Variants in ADH6 observed in about 807,000 individuals in gnomAD.
ADH6 encodes the protein alcohol dehydrogenase 6.
Under a neutral mutation model 36.5 loss-of-function variants are expected in ADH6, and 34 were observed. The observed-to-expected ratio is 0.93, with a 90% confidence interval of 0.71 to 1.24. The LOEUF (loss-of-function observed/expected upper bound fraction) is 1.24, where lower values mean the gene tolerates loss of function less well. ADH6 is among the 50% of genes most tolerant of loss of function. The pLI is 0.00. For missense variants in ADH6, 440 were observed against 447.0 expected (o/e 0.98, Z 0.14); for synonymous variants, 161 against 155.5 (o/e 1.04, Z -0.26).
In ADH6 at chr4:99,204,110, GA is replaced by G. The variant is rs1245395377; in HGVS notation, c.*108del. The G allele has an allele frequency of 2.5e-5, 34 of 1,348,758 alleles. No individual in the cohort carries two copies. Among genetic ancestry groups the G allele is most frequent in the Non-Finnish European group, 3.0e-5 (29 of 980,664 alleles). 83.5% of individuals were successfully genotyped at this position (1,348,758 alleles called of 1,614,324 possible). A position where few individuals can be genotyped will look rare whatever the true frequency, so the allele number is the denominator to read the frequency against. ...CCACTGCGGAGTGAATCAGAAGTCA[GA>G]ATATAGAAATGGGATTGGGTGAATA... On this transcript the variant is annotated 3_prime_UTR_variant, in exon 9 of 9. Transcript: ENST00000394899.
intron 3 of ADH6, among the ~76,000 whole-genome samples, chr4:99,210,820 C>T (rs1226611780): frequency 6.6e-6 from 1 of 152,122 alleles, no homozygotes; most frequent in Non-Finnish European, 1.5e-5. Context: ...TATCTCTTCT[C>T]AACATTTTCA....
At chr4:99,205,842 C>T (rs1231029406) in intron 7 of ADH6, among the ~76,000 whole-genome samples, 1 of 152,068 alleles carries the variant, frequency 6.6e-6, no homozygotes, top group Non-Finnish European at 1.5e-5. Context: ...GCGGATTATT[C>T]TGTGATAGGA....
chr4:99,205,864 A>G (rs578256414), intron 7 of ADH6, among the ~76,000 whole-genome samples: 1 of 152,210 alleles, frequency 6.6e-6, no homozygotes, highest in African/African-American at 2.4e-5. Flanking sequence ...CTTGACAATT[A>G]CTTGCTTTTC....
intron 7 of ADH6, among the ~76,000 whole-genome samples, chr4:99,205,796 A>G (rs1183907091): frequency 1.3e-5 from 2 of 152,100 alleles, no homozygotes; most frequent in South Asian, 2.1e-4. Flanking sequence ...GTAATTGTGC[A>G]AAGTATAATG....
intron 1 of ADH6, among the ~76,000 whole-genome samples, chr4:99,217,926 A>G (rs1455112785): frequency 6.6e-6 from 1 of 152,158 alleles, no homozygotes; most frequent in Non-Finnish European, 1.5e-5. Flanking sequence ...CTCTTGGCAG[A>G]TTGAGGTTGG....
intron 1 of ADH6, 66 bp downstream of exon 1, chr4:99,219,069 G>A (rs1323813877): frequency 6.7e-7 from 1 of 1,502,982 alleles, no homozygotes; most frequent in Admixed American, 1.7e-5. Context: ...ATGAGATGTT[G>A]GTAAAGAGAT....
At chr4:99,205,456 CATGTGT>C (rs922755390) in intron 7 of ADH6, among the ~76,000 whole-genome samples, 14 of 152,126 alleles carry the variant, frequency 9.2e-5, no homozygotes, top group Non-Finnish European at 1.6e-4. Flanking sequence ...TGCATTCCCT[CATGTGT>C]ATGTTTTGAT....
At position 99,210,519 on chromosome 4, in the gene ADH6, A is replaced by G. The variant is rs1560806510; in HGVS notation, c.263-17T>C. 1 of 1,561,060 alleles carries G rather than the reference A, an allele frequency of 6.4e-7. No homozygotes were observed. Among genetic ancestry groups the G allele is most frequent in the South Asian group, 1.1e-5 (1 of 88,932 alleles). On this transcript the variant is annotated splice_polypyrimidine_tract_variant and intron_variant, in intron 3 of 8. Coordinates refer to ENST00000394899, the MANE Select transcript of ADH6 (RefSeq NM_001102470.2). Reference sequence around the variant, plus strand: ...CTTTGTCACCTAAAAGAGCAAAATCATGTCTTATTAACATATTATTTTTTA... The same window carrying G: ...CTTTGTCACCTAAAAGAGCAAAATCGTGTCTTATTAACATATTATTTTTTA...
At chr4:99,207,299 TTTATATTGG>T in intron 7 of ADH6, 138 bp downstream of exon 7, 1 of 1,006,888 alleles carries the variant, frequency 9.9e-7, no homozygotes, top group African/African-American at 1.6e-5. Context: ...TATCCATCCC[TTTATATTGG>T]GTATTCATAT....
At chr4:99,219,050 A>G in intron 1 of ADH6, 85 bp downstream of exon 1, 3 of 1,337,322 alleles carry the variant, frequency 2.2e-6, no homozygotes, top group South Asian at 2.4e-5. Flanking sequence ...CCCAGAGACT[A>G]GCTGGGTGAT....
intron 2 of ADH6, 71 bp downstream of exon 2, chr4:99,216,090 T>A: frequency 1.3e-6 from 1 of 762,600 alleles, no homozygotes; most frequent in African/African-American, 1.8e-5. Context: ...CGGATAAGAA[T>A]ATGTAACTTA....
intron 8 of ADH6, 152 bp downstream of exon 8, chr4:99,204,773 G>T: frequency 7.6e-7 from 1 of 1,323,366 alleles, no homozygotes; most frequent in East Asian, 2.9e-5. Flanking sequence ...AAATGCAGAG[G>T]GGAAGGAGAT....
intron 6 of ADH6, among the ~76,000 whole-genome samples, chr4:99,207,860 A>T (rs1466003116): frequency 6.6e-6 from 1 of 152,268 alleles, no homozygotes; most frequent in African/African-American, 2.4e-5. Context: ...AATAATAAAA[A>T]TAATTTTTAT....
chr4:99,213,764 G>T lies in ADH6; in HGVS notation c.121-17C>A. ...GGCCACAACCTGTATGGAAGGCAAA[G>T]GGTACTGCAGTTCCCGCTGTTTCAG... On this transcript the variant is annotated splice_polypyrimidine_tract_variant and intron_variant, in intron 2 of 8. Coordinates refer to ENST00000394899, the MANE Select transcript of ADH6 (RefSeq NM_001102470.2). 6.4e-7 allele frequency: 1 copy of T among 1,572,054 alleles called. No individual in the cohort carries two copies. The highest frequency in any genetic ancestry group is 1.2e-5 in the South Asian group (1 of 83,744).
chr4:99,210,988 C>T (rs1381442397), intron 3 of ADH6, among the ~76,000 whole-genome samples: 2 of 152,042 alleles, frequency 1.3e-5, no homozygotes, highest in Non-Finnish European at 2.9e-5. Context: ...CAAAGGTAGG[C>T]AGATTTCTCT....
At position 99,208,657 on chromosome 4, in the gene ADH6, G is replaced by A; in HGVS notation, c.828+11C>T. ...AAGTATTGGTAATTTTCACTCCAGAGGATTACATACCAGAACGTCCAGATT... is the reference window on the plus strand; with the variant it reads ...AAGTATTGGTAATTTTCACTCCAGAAGATTACATACCAGAACGTCCAGATT... On this transcript the variant is annotated intron_variant, in intron 6 of 8. Transcript: ENST00000394899. The A allele has an allele frequency of 6.2e-7, 1 of 1,608,888 alleles. No homozygotes were observed. Among genetic ancestry groups the A allele is most frequent in the Non-Finnish European group, 8.5e-7 (1 of 1,177,338 alleles).
intron 1 of ADH6, among the ~76,000 whole-genome samples, chr4:99,218,920 A>C (rs1560811119): frequency 6.6e-6 from 1 of 152,194 alleles, no homozygotes; most frequent in Non-Finnish European, 1.5e-5. Flanking sequence ...ATTCTGATAA[A>C]GGGCTTGGAC....
chr4:99,215,456 A>C (rs2110555603), intron 2 of ADH6, among the ~76,000 whole-genome samples: 1 of 152,336 alleles, frequency 6.6e-6, no homozygotes, highest in South Asian at 2.1e-4. Context: ...TGCACCCCAG[A>C]CTAATTAAAT....
At chr4:99,209,450 C>T (rs920579911) in intron 5 of ADH6, among the ~76,000 whole-genome samples, 3 of 151,924 alleles carry the variant, frequency 2.0e-5, no homozygotes, top group African/African-American at 7.3e-5. Flanking sequence ...AGTATTGGGA[C>T]TGATGGACAC....
Sources: allele counts gnomAD v4.1 joint callset (sites outside exome capture counted in the v4.1 genomes callset), GRCh38; gene constraint gnomAD v4.1.1; transcripts MANE v1.5; gene names NCBI Gene and HGNC (gene_info 2026-07-23, HGNC 2026-07-21).